OR51B5: variants seen among roughly 807,000 people sequenced by gnomAD.
OR51B5 encodes olfactory receptor 51B5.
For synonymous variants in OR51B5, 186 were observed against 144.8 expected (o/e 1.28, Z -2.04); for missense variants, 456 against 374.6 (o/e 1.22, Z -1.79).
At chr11:5,399,745 G>A (rs1421973894) in intron 1 of OR51B5, among the ~76,000 whole-genome samples, 1 of 143,100 alleles carries the variant, frequency 7.0e-6, no homozygotes, top group Non-Finnish European at 1.5e-5. Context: ...AGACTCTGGA[G>A]ATGGAAACTG....
chr11:5,382,338 T>C (rs779538538), intron 1 of OR51B5, among the ~76,000 whole-genome samples: 17 of 151,890 alleles, frequency 1.1e-4, no homozygotes, highest in Non-Finnish European at 1.9e-4. Context: ...TCTTAATTAG[T>C]CTTCATAGCT....
chr11:5,439,680 T>A (rs565448581), intron 1 of OR51B5, among the ~76,000 whole-genome samples: 1 of 152,196 alleles, frequency 6.6e-6, no homozygotes, highest in Non-Finnish European at 1.5e-5. Context: ...ATGATATTGA[T>A]CTGGAAATCA....
intron 1 of OR51B5, among the ~76,000 whole-genome samples, chr11:5,394,834 C>A (rs573543760): frequency 6.6e-6 from 1 of 152,282 alleles, no homozygotes; most frequent in South Asian, 2.1e-4. Flanking sequence ...GAGTTTGTGT[C>A]TTATTAATGC....
At position 5,431,086 on chromosome 11, in the gene OR51B5, G is replaced by C. The variant is rs1480175851; in HGVS notation, n.84+74483C>G. 1.8e-5 allele frequency: 8 copies of C among 440,592 alleles called. No homozygotes were observed. In the Admixed American group the frequency reaches 1.9e-4, roughly 11 times the overall value. 27.3% of individuals were successfully genotyped at this position (440,592 alleles called of 1,614,324 possible). On this transcript the variant is annotated intron_variant and non_coding_transcript_variant, in intron 1 of 4. Transcript: ENST00000415970. ...GCAGTAGGAGTGTGAGAGGACATTA[G>C]TGTGGCAATAGGGCAGTTGCCTCAA...
At chr11:5,466,023 C>A (rs1851134392) in intron 1 of OR51B5, among the ~76,000 whole-genome samples, 1 of 151,730 alleles carries the variant, frequency 6.6e-6, no homozygotes, top group African/African-American at 2.4e-5. Flanking sequence ...GAACAGGCAA[C>A]CTACAAAATG....
chr11:5,408,056 T>C (rs1850086262), intron 1 of OR51B5, among the ~76,000 whole-genome samples: 1 of 151,932 alleles, frequency 6.6e-6, no homozygotes, highest in Admixed American at 6.6e-5. Flanking sequence ...CCTTTTTCAA[T>C]TTTTCACTGA....
intron 1 of OR51B5, among the ~76,000 whole-genome samples, chr11:5,467,955 A>C (rs7106350): frequency 0.06 from 9,100 of 152,184 alleles, 637 homozygotes; most frequent in East Asian, 0.37. Context: ...TCTGAATTCC[A>C]TGTGTTGTAT....
rs528389894 is a variant in OR51B5, at chr11:5,479,639, T to C, written n.84+25930A>G. On this transcript the variant is annotated intron_variant and non_coding_transcript_variant, in intron 1 of 4. Coordinates refer to the OR51B5 transcript ENST00000415970. ...TCCATCTCATGTGCAGAGACACACG[T>C]AGGCTCAAAATAAAAGGATGGAGGA... 2.6e-5 allele frequency among the ~76,000 whole-genome samples: 4 copies of C among 152,138 alleles called. No individual in the cohort carries two copies. The East Asian group carries it at 5.8e-4, about 22-fold the overall frequency.
Position 5,352,414 on chromosome 11 carries a change from C to T in OR51B5, n.85-5504G>A, listed in dbSNP as rs75565553. The T allele has an allele frequency of 9.5e-4, 1,524 of 1,608,416 alleles. 11 individuals carry two copies. In the African/African-American group the frequency reaches 0.017, roughly 18 times the overall value. On this transcript the variant is annotated intron_variant and non_coding_transcript_variant, in intron 1 of 4. Coordinates refer to the OR51B5 transcript ENST00000415970. ...TAAGCAGATTCAGAGTGGCATACTT[C>T]GTTTATTCTCTCTGCCTCACTCTAG...
intron 1 of OR51B5, among the ~76,000 whole-genome samples, chr11:5,421,117 T>C (rs552898180): frequency 4.6e-5 from 7 of 152,258 alleles, no homozygotes; most frequent in Non-Finnish European, 7.3e-5. Flanking sequence ...TCTAACTTAT[T>C]GCTCTGTGAG....
At position 5,462,613 on chromosome 11, in the gene OR51B5, C is replaced by G. The variant is rs1230781948; in HGVS notation, n.84+42956G>C. 5.3e-5 allele frequency among the ~76,000 whole-genome samples: 8 copies of G among 152,210 alleles called. No homozygotes were observed. The South Asian group carries it at 1.4e-3, about 28-fold the overall frequency. On this transcript the variant is annotated intron_variant and non_coding_transcript_variant, in intron 1 of 4. Coordinates refer to the OR51B5 transcript ENST00000415970. ...AAAACGACAAATGGCAGCAGAGGCA[C>G]AGAGTTTATCCTCTGAGTTGAGTAA...
upstream of OR51B5, among the ~76,000 whole-genome samples, chr11:5,344,837 A>T (rs1848965449): frequency 6.6e-6 from 1 of 152,220 alleles, no homozygotes; most frequent in Non-Finnish European, 1.5e-5. Context: ...TATAAATGCA[A>T]GTTTAACATA....
chr11:5,442,833 A>G (rs1415956376), intron 1 of OR51B5, among the ~76,000 whole-genome samples: 1 of 152,252 alleles, frequency 6.6e-6, no homozygotes, highest in African/African-American at 2.4e-5. Flanking sequence ...TTGTCTCTGA[A>G]TCTAATGAAA....
At chr11:5,381,490 TC>T (rs1849608789) in intron 1 of OR51B5, among the ~76,000 whole-genome samples, 1 of 152,196 alleles carries the variant, frequency 6.6e-6, no homozygotes, top group African/African-American at 2.4e-5. Context: ...AGAAACTACC[TC>T]TGCCTTCCTA....
At chr11:5,430,727 T>C (rs1213769942) in intron 1 of OR51B5, 1 of 456,888 alleles carries the variant, frequency 2.2e-6, no homozygotes, top group South Asian at 1.5e-5. Context: ...ACACTATAGA[T>C]GATGGGATTA....
At chr11:5,371,900 C>T (rs1042393579) in intron 1 of OR51B5, among the ~76,000 whole-genome samples, 2 of 151,948 alleles carry the variant, frequency 1.3e-5, no homozygotes, top group Admixed American at 1.3e-4. Context: ...CCTACTTCTC[C>T]CTATTTTCTC....
At chr11:5,498,935 C>T (rs747910921) in intron 1 of OR51B5, among the ~76,000 whole-genome samples, 5 of 152,174 alleles carry the variant, frequency 3.3e-5, no homozygotes, top group Non-Finnish European at 7.3e-5. Flanking sequence ...GGGCTGGAGG[C>T]CAGATGAAGG....
At chr11:5,491,413 CT>C (rs1389327233) in intron 1 of OR51B5, among the ~76,000 whole-genome samples, 1 of 152,160 alleles carries the variant, frequency 6.6e-6, no homozygotes, top group Non-Finnish European at 1.5e-5. Context: ...GCACAAGGAG[CT>C]GTCACAGGTC....
chr11:5,349,239 T>A (rs1849038069), intron 1 of OR51B5, among the ~76,000 whole-genome samples: 1 of 152,034 alleles, frequency 6.6e-6, no homozygotes, highest in African/African-American at 2.4e-5. Context: ...CAGTTTTCAA[T>A]ATGAAAACAG....
Sources: gnomAD v4.1 joint callset for allele counts (sites outside exome capture counted in the v4.1 genomes callset) on GRCh38, gnomAD v4.1.1 for gene constraint, MANE v1.5 for transcripts, NCBI Gene and HGNC (gene_info 2026-07-23, HGNC 2026-07-21) for gene names.